Variants in SGCZ observed in about 807,000 individuals in gnomAD.
SGCZ encodes the protein zeta-sarcoglycan.
SGCZ carries 40 observed loss-of-function variants against 41.3 expected under a neutral mutation model. The observed-to-expected ratio is 0.97, with a 90% CI of 0.75 to 1.26. SGCZ has a LOEUF of 1.26. Ranked by LOEUF, SGCZ falls within the 50% of genes most tolerant of loss-of-function variation. SGCZ has a pLI of 0.00. For synonymous variants in SGCZ, 206 were observed against 137.5 expected (o/e 1.50, Z -3.49); for missense variants, 552 against 369.8 (o/e 1.49, Z -4.04).
intron 1 of SGCZ, among the ~76,000 whole-genome samples, chr8:15,055,690 G>A (rs1038143080): frequency 2.6e-5 from 4 of 152,284 alleles, no homozygotes; most frequent in South Asian, 2.1e-4. Context: ...GTCAACCAAC[G>A]AGAATTACCA....
intron 4 of SGCZ, among the ~76,000 whole-genome samples, chr8:14,220,713 G>A (rs1806163190): frequency 6.6e-6 from 1 of 152,184 alleles, no homozygotes; most frequent in Admixed American, 6.5e-5. Flanking sequence ...CGTGAACCCG[G>A]GAGGCGGAGC....
chr8:14,443,326 G>T, intron 2 of SGCZ, among the ~76,000 whole-genome samples: 1 of 152,174 alleles, frequency 6.6e-6, no homozygotes, highest in African/African-American at 2.4e-5. Context: ...AGTTCATATG[G>T]AACCAAAAAA....
rs375603272 is a variant in SGCZ, at chr8:14,574,736, T to G, written c.40-19810A>C. On this transcript the variant is annotated intron_variant, in intron 1 of 7. Transcript: ENST00000382080. The stretch of plus-strand genomic sequence containing the variant: ...TTAATTAGTTATGTTTTTCTTTGGT[T>G]AATTTGTTTTTACTAATAGAAATTT... 1.1e-4 allele frequency among the ~76,000 whole-genome samples: 17 copies of G among 152,348 alleles called. No homozygotes were observed. The East Asian group carries it at 2.5e-3, about 22-fold the overall frequency.
Position 14,832,754 on chromosome 8 carries a change from T to C in SGCZ, c.40-277828A>G, listed in dbSNP as rs993746108. Reference sequence around the variant, plus strand: ...TATGATCTGTGTGCTTTCCTATGAATATTAGGCTCAATAAAACATTACAGT... The same window carrying C: ...TATGATCTGTGTGCTTTCCTATGAACATTAGGCTCAATAAAACATTACAGT... On this transcript the variant is annotated intron_variant, in intron 1 of 7. Coordinates refer to ENST00000382080, the MANE Select transcript of SGCZ (RefSeq NM_139167.4). 5.3e-5 allele frequency among the ~76,000 whole-genome samples: 8 copies of C among 152,266 alleles called. No individual in the cohort carries two copies. The East Asian group carries it at 1.5e-3, about 29-fold the overall frequency.
intron 1 of SGCZ, among the ~76,000 whole-genome samples, chr8:14,986,557 C>T (rs570536090): frequency 6.6e-6 from 1 of 152,166 alleles, no homozygotes; most frequent in South Asian, 2.1e-4. Context: ...TCCTTTCGAA[C>T]AGGTAGAAAT....
At chr8:14,309,371 A>C in intron 3 of SGCZ, 1 of 1,604,898 alleles carries the variant, frequency 6.2e-7, no homozygotes. Context: ...AATTACATTG[A>C]ACAGTCAGCA....
intron 1 of SGCZ, among the ~76,000 whole-genome samples, chr8:14,715,956 C>G (rs1452858592): frequency 6.6e-6 from 1 of 152,026 alleles, no homozygotes; most frequent in Non-Finnish European, 1.5e-5. Flanking sequence ...AATCCACTCA[C>G]TAGAAAGAAA....
At chr8:15,018,450 C>A (rs906157011) in intron 1 of SGCZ, among the ~76,000 whole-genome samples, 1 of 152,104 alleles carries the variant, frequency 6.6e-6, no homozygotes, top group South Asian at 2.1e-4. Context: ...CTAAGTTAGT[C>A]AGGAAATGCC....
intron 2 of SGCZ, among the ~76,000 whole-genome samples, chr8:14,506,163 C>T (rs1296887816): frequency 6.6e-6 from 1 of 151,594 alleles, no homozygotes; most frequent in African/African-American, 2.4e-5. Flanking sequence ...TGATGAAACC[C>T]TGTGTCTACT....
At chr8:14,706,882 C>T (rs989766084) in intron 1 of SGCZ, among the ~76,000 whole-genome samples, 7 of 151,490 alleles carry the variant, frequency 4.6e-5, no homozygotes, top group Admixed American at 2.0e-4. Flanking sequence ...AGTATATAAA[C>T]GGTTTTATTA....
chr8:14,914,241 TAG>T (rs147869660), intron 1 of SGCZ, among the ~76,000 whole-genome samples: 22,474 of 141,102 alleles, frequency 0.16, 2,534 homozygotes, highest in African/African-American at 0.33. Flanking sequence ...TATATATATA[TAG>T]AGAGTGTGTA....
chr8:14,270,324 T>C (rs1301968684), intron 3 of SGCZ, among the ~76,000 whole-genome samples: 1 of 151,662 alleles, frequency 6.6e-6, no homozygotes, highest in Non-Finnish European at 1.5e-5. Context: ...AGAGTAAAAC[T>C]CCGTCTCAAA....
chr8:14,427,065 TGAGTGAATGAAC>T (rs1266697396), intron 2 of SGCZ, among the ~76,000 whole-genome samples: 5 of 93,210 alleles, frequency 5.4e-5, no homozygotes, highest in Non-Finnish European at 8.7e-5. Context: ...AATGAATGAA[TGAGTGAATGAAC>T]GAATGAATGA....
At chr8:14,468,167 C>A (rs1004101485) in intron 2 of SGCZ, among the ~76,000 whole-genome samples, 1 of 151,944 alleles carries the variant, frequency 6.6e-6, no homozygotes, top group Non-Finnish European at 1.5e-5. Flanking sequence ...AGCTACATTA[C>A]TTTACATAAG....
At chr8:14,587,957 G>A (rs1805114931) in intron 1 of SGCZ, among the ~76,000 whole-genome samples, 1 of 151,972 alleles carries the variant, frequency 6.6e-6, no homozygotes, top group Admixed American at 6.6e-5. Context: ...AATACTTCAT[G>A]GGTAACATCT....
intron 2 of SGCZ, among the ~76,000 whole-genome samples, chr8:14,331,019 G>A (rs1244866589): frequency 6.6e-6 from 1 of 151,680 alleles, no homozygotes; most frequent in African/African-American, 2.4e-5. Context: ...AATTCAATAG[G>A]AAGGAAGGTA....
At chr8:14,927,418 A>G (rs1032358383) in intron 1 of SGCZ, among the ~76,000 whole-genome samples, 4 of 152,056 alleles carry the variant, frequency 2.6e-5, no homozygotes, top group South Asian at 2.1e-4. Flanking sequence ...CAAGTTCCTG[A>G]TTCTTAAACT....
chr8:14,133,556 C>A (rs1410353897), intron 5 of SGCZ, among the ~76,000 whole-genome samples: 3 of 152,150 alleles, frequency 2.0e-5, no homozygotes. Context: ...GTTCTAAGAA[C>A]ACTAATTGTT....
At chr8:14,541,208 C>A (rs12680412) in intron 2 of SGCZ, among the ~76,000 whole-genome samples, 28,447 of 151,620 alleles carry the variant, frequency 0.19, 2,791 homozygotes, top group African/African-American at 0.23. Context: ...TAGGTATACA[C>A]GTGCCATGGT....
Sources: gnomAD v4.1 joint callset for allele counts (sites outside exome capture counted in the v4.1 genomes callset) on GRCh38, gnomAD v4.1.1 for gene constraint, MANE v1.5 for transcripts, NCBI Gene and HGNC (gene_info 2026-07-23, HGNC 2026-07-21) for gene names.